DSCAM: variants seen among roughly 807,000 people sequenced by gnomAD.
The protein encoded by DSCAM is DS cell adhesion molecule.
DSCAM carries 47 observed loss-of-function variants against 217.7 expected under a neutral mutation model. That is an observed-to-expected ratio of 0.22 (90% CI 0.17 to 0.28). The LOEUF is 0.28. Ranked by LOEUF, DSCAM falls within the 10% of genes least tolerant of loss-of-function variation. The pLI, the probability that DSCAM is intolerant of heterozygous loss-of-function variation, is 1.00. For missense variants in DSCAM, 2,080 were observed against 2,618.3 expected, an observed-to-expected ratio of 0.79 and a Z score of 4.49; for synonymous variants, 1,056 against 1,015.3, an observed-to-expected ratio of 1.04 and a Z score of -0.76.
intron 1 of DSCAM, among the ~76,000 whole-genome samples, chr21:40,821,137 C>CATATATATAGATATATATATCTTCACAT (rs6147513): frequency 0.3 from 40,658 of 137,574 alleles, 6,609 homozygotes; most frequent in Non-Finnish European, 0.34. Flanking sequence ...TATATCTTCA[C>CATATATATAGATATATATATCTTCACAT]ATATATATAT....
chr21:40,256,094 T>G (rs2073366591), intron 11 of DSCAM, among the ~76,000 whole-genome samples: 1 of 152,244 alleles, frequency 6.6e-6, no homozygotes, highest in African/African-American at 2.4e-5. Flanking sequence ...ATCCAATGTA[T>G]GTTTTGGACT....
intron 20 of DSCAM, among the ~76,000 whole-genome samples, chr21:40,106,667 G>A (rs895507535): frequency 5.9e-5 from 9 of 151,948 alleles, no homozygotes; most frequent in South Asian, 2.1e-4. Context: ...TGGTATGTTC[G>A]GGGATTCAAT....
chr21:40,075,134 C>G lies in DSCAM; in HGVS notation c.4791G>C (p.Val1597=), dbSNP rs1276210965. Residue 1597 remains valine (V), a synonymous_variant, in exon 27 of 33, where the codon GTG becomes GTC. Coordinates refer to ENST00000400454, the MANE Select transcript of DSCAM (RefSeq NM_001389.5). ...CCCCCACCAGGATACAGGAGATGGT[C>G]ACCAGCATCTTGAGCCCCTCGTTGG... ...LTTNEGLKML[V]TISCILVGVL... 6.2e-7 allele frequency: 1 copy of G among 1,614,226 alleles called. No homozygotes were observed. Among genetic ancestry groups the G allele is most frequent in the Non-Finnish European group, 8.5e-7 (1 of 1,180,038 alleles).
chr21:40,068,826 CTA>C (rs1214859925), intron 27 of DSCAM, among the ~76,000 whole-genome samples: 1 of 152,186 alleles, frequency 6.6e-6, no homozygotes, highest in Non-Finnish European at 1.5e-5. Flanking sequence ...TGGCTCATGC[CTA>C]TAATCCCAGC....
At chr21:40,295,909 G>T in intron 10 of DSCAM, 146 bp downstream of exon 10, 2 of 1,005,000 alleles carry the variant, frequency 2.0e-6, no homozygotes, top group Non-Finnish European at 2.8e-6. Context: ...AACTAGGAAT[G>T]TCTATGAGAG....
intron 3 of DSCAM, among the ~76,000 whole-genome samples, chr21:40,611,054 T>A (rs928373320): frequency 6.7e-6 from 1 of 148,646 alleles, no homozygotes; most frequent in Non-Finnish European, 1.5e-5. Flanking sequence ...AAATTAGTTT[T>A]CAATTTTTTT....
At chr21:40,517,539 A>C (rs1431514299) in intron 3 of DSCAM, among the ~76,000 whole-genome samples, 2 of 152,054 alleles carry the variant, frequency 1.3e-5, no homozygotes, top group Non-Finnish European at 2.9e-5. Flanking sequence ...AGGTTGACTC[A>C]GGTAATCTCT....
intron 8 of DSCAM, among the ~76,000 whole-genome samples, chr21:40,331,410 G>A (rs1050735585): frequency 6.6e-6 from 1 of 152,172 alleles, no homozygotes; most frequent in Non-Finnish European, 1.5e-5. Context: ...CACCTCGAGT[G>A]GAAGGCGAGC....
chr21:40,370,137 G>A (rs553103865), intron 3 of DSCAM, among the ~76,000 whole-genome samples: 3 of 151,924 alleles, frequency 2.0e-5, no homozygotes, highest in South Asian at 2.1e-4. Context: ...GATATTTTTC[G>A]CTGTTCAATT....
intron 1 of DSCAM, among the ~76,000 whole-genome samples, chr21:40,789,820 G>T (rs1284804156): frequency 4.6e-5 from 7 of 152,148 alleles, no homozygotes; most frequent in Non-Finnish European, 1.0e-4. Context: ...CTCCCAAAGT[G>T]CTGGGATTAC....
At chr21:40,772,079 G>T (rs971678669) in intron 1 of DSCAM, among the ~76,000 whole-genome samples, 1 of 151,914 alleles carries the variant, frequency 6.6e-6, no homozygotes, top group Non-Finnish European at 1.5e-5. Flanking sequence ...TCATAATAAG[G>T]GCTGATAAAA....
intron 3 of DSCAM, among the ~76,000 whole-genome samples, chr21:40,438,569 G>C (rs775816093): frequency 3.9e-5 from 6 of 152,162 alleles, no homozygotes; most frequent in African/African-American, 1.2e-4. Context: ...CAAGGTCCAA[G>C]GTCTCATCAA....
intron 14 of DSCAM, among the ~76,000 whole-genome samples, chr21:40,186,088 T>C (rs2090891513): frequency 6.6e-6 from 1 of 152,172 alleles, no homozygotes; most frequent in Non-Finnish European, 1.5e-5. Context: ...TTTGTTTTGA[T>C]CCATATCTTC....
intron 2 of DSCAM, among the ~76,000 whole-genome samples, chr21:40,700,196 T>C (rs758259090): frequency 6.6e-6 from 1 of 152,210 alleles, no homozygotes; most frequent in Non-Finnish European, 1.5e-5. Flanking sequence ...TCTTATAGCA[T>C]GTCATGTTGC....
chr21:40,043,119 T>C (rs1403883280), intron 31 of DSCAM, among the ~76,000 whole-genome samples: 1 of 152,144 alleles, frequency 6.6e-6, no homozygotes, highest in Non-Finnish European at 1.5e-5. Context: ...TGATGATATT[T>C]AGAAATAAAG....
intron 23 of DSCAM, 92 bp downstream of exon 23, chr21:40,085,510 A>C: frequency 8.5e-7 from 1 of 1,179,100 alleles, no homozygotes; most frequent in Non-Finnish European, 1.1e-6. Context: ...GCTCTTTATA[A>C]GGGCTGATTT....
chr21:40,523,524 GC>G, intron 3 of DSCAM, among the ~76,000 whole-genome samples: 1 of 151,932 alleles, frequency 6.6e-6, no homozygotes, highest in East Asian at 1.9e-4. Flanking sequence ...AGGGAGGAGA[GC>G]CCTGGTGGCT....
At chr21:40,713,902 C>T (rs1352250661) in intron 1 of DSCAM, among the ~76,000 whole-genome samples, 1 of 152,112 alleles carries the variant, frequency 6.6e-6, no homozygotes, top group East Asian at 1.9e-4. Context: ...GGCTTGCTAC[C>T]CAAGCTGTCT....
chr21:40,289,519 C>A (rs1277492983), intron 10 of DSCAM, among the ~76,000 whole-genome samples: 1 of 152,130 alleles, frequency 6.6e-6, no homozygotes, highest in Middle Eastern at 3.2e-3. Context: ...TTTAAGCTAC[C>A]TGAGGTCAAT....
Sources: gnomAD v4.1 joint callset for allele counts (sites outside exome capture counted in the v4.1 genomes callset) on GRCh38, gnomAD v4.1.1 for gene constraint, MANE v1.5 for transcripts, NCBI Gene and HGNC (gene_info 2026-07-23, HGNC 2026-07-21) for gene names.